RGS7BP: variants seen among roughly 807,000 people sequenced by gnomAD.
RGS7BP encodes the protein regulator of G protein signaling 7-binding protein.
Under a neutral mutation model 31.3 loss-of-function variants are expected in RGS7BP, and 9 were observed. The ratio of observed to expected loss-of-function variants is 0.29; its 90% CI spans 0.17 to 0.50. The LOEUF (loss-of-function observed/expected upper bound fraction) is 0.50. Among genes scored for constraint, RGS7BP ranks in the 20% least tolerant of loss-of-function variants. The pLI, the probability that RGS7BP is intolerant of heterozygous loss-of-function variation, is 0.98. For synonymous variants in RGS7BP, 115 were observed against 120.1 expected, an observed-to-expected ratio of 0.96 and a Z score of 0.28; for missense variants, 274 against 322.0, an observed-to-expected ratio of 0.85 and a Z score of 1.14.
chr5:64,550,646 T>C (rs1440531032), intron 2 of RGS7BP, among the ~76,000 whole-genome samples: 1 of 151,908 alleles, frequency 6.6e-6, no homozygotes, highest in Non-Finnish European at 1.5e-5. Flanking sequence ...TTGTTACATA[T>C]GTATACATGT....
At chr5:64,583,717 T>TA (rs752229042) in intron 3 of RGS7BP, among the ~76,000 whole-genome samples, 11 of 152,174 alleles carry the variant, frequency 7.2e-5, no homozygotes, top group Non-Finnish European at 1.6e-4. Flanking sequence ...TCATGAACAT[T>TA]CGTATTACCA....
At chr5:64,571,256 T>C (rs1278074034) in intron 2 of RGS7BP, among the ~76,000 whole-genome samples, 1 of 152,176 alleles carries the variant, frequency 6.6e-6, no homozygotes, top group Non-Finnish European at 1.5e-5. Flanking sequence ...GATCAGGAGT[T>C]AGCTTCTTTT....
At chr5:64,554,612 G>A (rs1037430352) in intron 2 of RGS7BP, among the ~76,000 whole-genome samples, 6 of 152,066 alleles carry the variant, frequency 3.9e-5, no homozygotes, top group East Asian at 3.9e-4. Flanking sequence ...AATACATCTC[G>A]GGAATCTACA....
intron 2 of RGS7BP, among the ~76,000 whole-genome samples, chr5:64,560,267 T>C (rs1012627934): frequency 3.3e-5 from 5 of 152,100 alleles, no homozygotes; most frequent in African/African-American, 1.2e-4. Context: ...GGTTCCTGGA[T>C]CAGCTGGGAA....
chr5:64,609,347 G>C lies in RGS7BP; in HGVS notation c.*95G>C. The stretch of plus-strand genomic sequence containing the variant: ...CTGAACCACACAGTTATTGGTTTTT[G>C]ACTATGTTTTCTATGCTTCCTTATT... On this transcript the variant is annotated 3_prime_UTR_variant, in exon 6 of 6. Coordinates refer to ENST00000334025, the MANE Select transcript of RGS7BP (RefSeq NM_001029875.3). 1.3e-6 allele frequency: 1 copy of C among 756,662 alleles called. No homozygotes were observed. The highest frequency in any genetic ancestry group is 2.4e-6 in the Non-Finnish European group (1 of 416,214). 46.9% of individuals were successfully genotyped at this position (756,662 alleles called of 1,614,324 possible). A position where few individuals can be genotyped will look rare whatever the true frequency, so the allele number is the denominator to read the frequency against.
In RGS7BP at chr5:64,610,193, A is replaced by C. The variant is rs1478111145; in HGVS notation, c.*941A>C. ...CATTGTTAATAAAGTTTTTTAGTTA[A>C]GCTAAGCTTGTCTCATTTTAGATGA... is the stretch of plus-strand genomic sequence containing the variant. On this transcript the variant is annotated 3_prime_UTR_variant, in exon 6 of 6. Coordinates refer to ENST00000334025, the MANE Select transcript of RGS7BP (RefSeq NM_001029875.3). 1 of 152,454 alleles carries C rather than the reference A, an allele frequency of 6.6e-6. No homozygotes were observed. Among genetic ancestry groups the C allele is most frequent in the East Asian group, 1.9e-4 (1 of 5,184 alleles). The allele number at this position is 152,454 out of a possible 1,614,324, so 9.4% of individuals were successfully genotyped here. A position where few individuals can be genotyped will look rare whatever the true frequency, so the allele number is the denominator to read the frequency against.
At chr5:64,512,272 C>G (rs923974650) in intron 2 of RGS7BP, among the ~76,000 whole-genome samples, 1 of 152,160 alleles carries the variant, frequency 6.6e-6, no homozygotes, top group African/African-American at 2.4e-5. Flanking sequence ...ACATGAGAGA[C>G]AGTAGAGTGT....
At chr5:64,524,808 T>C (rs1749191587) in intron 2 of RGS7BP, among the ~76,000 whole-genome samples, 1 of 152,124 alleles carries the variant, frequency 6.6e-6, no homozygotes, top group African/African-American at 2.4e-5. Context: ...CCCTTGTCCA[T>C]GCCCACTGCC....
At chr5:64,556,425 A>ACC (rs1741927486) in intron 2 of RGS7BP, among the ~76,000 whole-genome samples, 1 of 142,466 alleles carries the variant, frequency 7.0e-6, no homozygotes, top group Non-Finnish European at 1.5e-5. Context: ...AGCCACACAC[A>ACC]CACACACACA....
intron 2 of RGS7BP, among the ~76,000 whole-genome samples, chr5:64,552,095 C>A (rs59457252): frequency 0.011 from 1,644 of 152,192 alleles, 36 homozygotes; most frequent in African/African-American, 0.037. Flanking sequence ...GCATAACTAA[C>A]TTTCCTTATT....
chr5:64,562,394 C>T (rs1440618142), intron 2 of RGS7BP, among the ~76,000 whole-genome samples: 1 of 152,016 alleles, frequency 6.6e-6, no homozygotes, highest in African/African-American at 2.4e-5. Flanking sequence ...TTCACTTAAA[C>T]CTTTTTGACA....
At chr5:64,532,942 C>T (rs1749409586) in intron 2 of RGS7BP, among the ~76,000 whole-genome samples, 1 of 152,208 alleles carries the variant, frequency 6.6e-6, no homozygotes, top group Non-Finnish European at 1.5e-5. Flanking sequence ...ACTTACCTCA[C>T]AGCCTCATCA....
chr5:64,578,781 C>G (rs966902233), intron 3 of RGS7BP, among the ~76,000 whole-genome samples: 2 of 152,158 alleles, frequency 1.3e-5, no homozygotes. Flanking sequence ...TGCATTGTCT[C>G]CATGAACTGA....
intron 2 of RGS7BP, among the ~76,000 whole-genome samples, chr5:64,546,394 C>T (rs1014352984): frequency 6.6e-5 from 10 of 151,848 alleles, no homozygotes; most frequent in African/African-American, 2.2e-4. Flanking sequence ...CGAAAGACAG[C>T]GTCACAGAAG....
intron 2 of RGS7BP, among the ~76,000 whole-genome samples, chr5:64,536,571 G>A (rs1225199992): frequency 6.6e-6 from 1 of 152,136 alleles, no homozygotes; most frequent in Non-Finnish European, 1.5e-5. Context: ...AAAACAAAAT[G>A]TATCAATAAC....
At chr5:64,545,570 T>C (rs751432969) in intron 2 of RGS7BP, among the ~76,000 whole-genome samples, 13 of 152,336 alleles carry the variant, frequency 8.5e-5, no homozygotes, top group Admixed American at 1.3e-4. Context: ...CTTAGGAGGA[T>C]GCCTGCATAA....
intron 2 of RGS7BP, among the ~76,000 whole-genome samples, chr5:64,573,878 T>C (rs1049107866): frequency 2.6e-5 from 4 of 152,196 alleles, no homozygotes; most frequent in African/African-American, 9.7e-5. Context: ...AATATATACA[T>C]GTATCAAAAC....
intron 2 of RGS7BP, among the ~76,000 whole-genome samples, chr5:64,530,408 G>A (rs1749340258): frequency 6.6e-6 from 1 of 152,204 alleles, no homozygotes; most frequent in Non-Finnish European, 1.5e-5. Flanking sequence ...AGATTTAAAA[G>A]TGCTTTCGTG....
intron 2 of RGS7BP, among the ~76,000 whole-genome samples, chr5:64,565,753 A>G (rs908012457): frequency 1.3e-5 from 2 of 152,180 alleles, no homozygotes; most frequent in East Asian, 3.8e-4. Context: ...CAAAGAGTTT[A>G]CAGTCCAGTG....
Sources: gnomAD v4.1 joint callset for allele counts (sites outside exome capture counted in the v4.1 genomes callset) on GRCh38, gnomAD v4.1.1 for gene constraint, MANE v1.5 for transcripts, NCBI Gene and HGNC (gene_info 2026-07-23, HGNC 2026-07-21) for gene names.